The following AFF2 variants were observed in gnomAD, a reference collection of about 807,000 sequenced individuals.
AFF2 encodes the protein AF4/FMR2 family member 2.
AFF2 carries 14 observed loss-of-function variants against 76.9 expected under a neutral mutation model. That is an observed-to-expected ratio of 0.18 (90% CI 0.12 to 0.28). The LOEUF (loss-of-function observed/expected upper bound fraction) is 0.28. Among genes scored for constraint, AFF2 ranks in the 10% least tolerant of loss-of-function variants. The pLI, the probability that AFF2 is intolerant of heterozygous loss-of-function variation, is 1.00. For missense variants in AFF2, 868 were observed against 1,001.1 expected (o/e 0.87, Z 1.79); for synonymous variants, 398 against 366.7 (o/e 1.09, Z -0.98).
At chrX:148,510,548 C>T (rs782126818) in intron 1 of AFF2, among the ~76,000 whole-genome samples, 5 of 111,815 alleles carry the variant, frequency 4.5e-5, no homozygotes, top group African/African-American at 3.2e-5. Context: ...GACTTTACCA[C>T]TCATCCTTAG....
At chrX:148,616,118 C>T (rs2053797518) in intron 1 of AFF2, among the ~76,000 whole-genome samples, 1 of 111,406 alleles carries the variant, frequency 9.0e-6, no homozygotes, top group Admixed American at 9.5e-5. Context: ...TGTCTGCATC[C>T]CCTGCCCCTC....
chrX:148,620,856 C>T (rs2053860816), intron 1 of AFF2, among the ~76,000 whole-genome samples: 1 of 111,817 alleles, frequency 8.9e-6, no homozygotes, highest in African/African-American at 3.2e-5. Context: ...CAACTCATAC[C>T]ATAAAGGATG....
chrX:148,978,145 C>T lies in AFF2; in HGVS notation c.3476+141C>T, dbSNP rs1603352162. ...TTAAAGGATAACTAATGGATTTCTT[C>T]AGTCACTGACTAAACATTTACTCTC... On this transcript the variant is annotated intron_variant, in intron 17 of 20. Transcript: ENST00000370460. 9.8e-6 allele frequency: 5 copies of T among 509,629 alleles called. No homozygotes were observed. The East Asian group carries it at 1.7e-4, about 18-fold the overall frequency. 42.0% of individuals were successfully genotyped at this position (509,629 alleles called of 1,213,427 possible).
intron 8 of AFF2, among the ~76,000 whole-genome samples, chrX:148,901,095 G>A (rs1409964311): frequency 1.8e-5 from 2 of 111,888 alleles, no homozygotes; most frequent in Non-Finnish European, 3.8e-5. Flanking sequence ...CTGTAGAAAA[G>A]GCAGGAATTA....
intron 3 of AFF2, among the ~76,000 whole-genome samples, chrX:148,808,262 G>T (rs2070162390): frequency 9.0e-6 from 1 of 111,720 alleles, no homozygotes; most frequent in African/African-American, 3.3e-5. Flanking sequence ...TTCCTATTGA[G>T]CCTGTAAACT....
rs2052484640 is a variant in AFF2, at chrX:148,511,729, A to G, written c.47+10585A>G. Among the ~76,000 whole-genome samples the G allele has an allele frequency of 2.7e-5, 3 of 112,825 alleles. No individual in the cohort carries two copies. The Admixed American group carries it at 2.8e-4, about 11-fold the overall frequency. ...GAGGGGTACACCCCTAACTTTCTCA[A>G]AGTCACATGATTAGCCAACAGCAGA... On this transcript the variant is annotated intron_variant, in intron 1 of 20. Coordinates refer to ENST00000370460, the MANE Select transcript of AFF2 (RefSeq NM_002025.4).
chrX:148,765,503 G>A (rs1445948553), intron 3 of AFF2, among the ~76,000 whole-genome samples: 6 of 111,199 alleles, frequency 5.4e-5, no homozygotes, highest in African/African-American at 2.0e-4. Context: ...CTTAATTCTT[G>A]ATTTTGGATA....
intron 3 of AFF2, among the ~76,000 whole-genome samples, chrX:148,710,270 T>C (rs2054950451): frequency 8.9e-6 from 1 of 111,805 alleles, no homozygotes; most frequent in South Asian, 3.7e-4. Flanking sequence ...TTAAAATATA[T>C]GCAGTGATAA....
chrX:148,564,861 C>G (rs1557241392), intron 1 of AFF2, among the ~76,000 whole-genome samples: 1 of 111,995 alleles, frequency 8.9e-6, no homozygotes, highest in African/African-American at 3.2e-5. Context: ...GCACATTCCA[C>G]ACAGTAATAC....
At chrX:148,596,057 C>T (rs1557247278) in intron 1 of AFF2, among the ~76,000 whole-genome samples, 2 of 111,665 alleles carry the variant, frequency 1.8e-5, no homozygotes. Context: ...CATATGTATA[C>T]ATCAATTTGA....
intron 3 of AFF2, among the ~76,000 whole-genome samples, chrX:148,784,450 G>A (rs1463560893): frequency 1.8e-5 from 2 of 111,809 alleles, no homozygotes; most frequent in Non-Finnish European, 3.8e-5. Context: ...ATACTCTGGA[G>A]TCGGAAAGGC....
intron 3 of AFF2, among the ~76,000 whole-genome samples, chrX:148,805,695 G>A (rs1421068475): frequency 8.9e-6 from 1 of 112,731 alleles, no homozygotes; most frequent in African/African-American, 3.2e-5. Context: ...CATAAGATAT[G>A]TATTTATCAC....
intron 9 of AFF2, among the ~76,000 whole-genome samples, chrX:148,940,208 ATTTG>A (rs782597788): frequency 1.8e-5 from 2 of 111,580 alleles, no homozygotes; most frequent in East Asian, 5.6e-4. Context: ...TATTTTGTTT[ATTTG>A]TTTGTTTTGG....
chrX:148,854,646 T>G (rs2070766854), intron 7 of AFF2, among the ~76,000 whole-genome samples: 1 of 111,418 alleles, frequency 9.0e-6, no homozygotes, highest in Admixed American at 9.5e-5. Context: ...GTCACTGATT[T>G]GCTTAGTGGC....
In AFF2 at chrX:148,635,622, T is replaced by C. The variant is rs782337060; in HGVS notation, c.48-16377T>C. On this transcript the variant is annotated intron_variant, in intron 1 of 20. Coordinates refer to ENST00000370460, the MANE Select transcript of AFF2 (RefSeq NM_002025.4). ...CCCCATCAGAGAGGAATAAGTGACG[T>C]TGAAGAGAAGCTGCACAGTGTTGGG... Among the ~76,000 whole-genome samples, 5 of 111,533 alleles carry C rather than the reference T, an allele frequency of 4.5e-5. No homozygotes were observed. The South Asian group carries it at 1.9e-3, about 42-fold the overall frequency.
At chrX:148,879,200 G>A (rs185099432) in intron 7 of AFF2, among the ~76,000 whole-genome samples, 1 of 111,884 alleles carries the variant, frequency 8.9e-6, no homozygotes, top group Admixed American at 9.5e-5. Flanking sequence ...CAGCACTGTA[G>A]GCTGTCAGGC....
chrX:148,671,981 A>G (rs782068421), intron 3 of AFF2, among the ~76,000 whole-genome samples: 1 of 111,789 alleles, frequency 8.9e-6, no homozygotes, highest in Admixed American at 9.5e-5. Flanking sequence ...GTGTGTTCCA[A>G]ATCATCTTGT....
At chrX:148,600,189 T>G (rs1603254698) in intron 1 of AFF2, among the ~76,000 whole-genome samples, 1 of 112,058 alleles carries the variant, frequency 8.9e-6, no homozygotes, top group South Asian at 3.7e-4. Context: ...CTAAGGAGAC[T>G]TGGTAGTCTT....
At chrX:148,757,434 C>CAT (rs1475439056) in intron 3 of AFF2, among the ~76,000 whole-genome samples, 1 of 110,780 alleles carries the variant, frequency 9.0e-6, no homozygotes, top group African/African-American at 3.3e-5. Flanking sequence ...TGTGTATACC[C>CAT]ATATATATAA....
Sources: gnomAD v4.1 joint callset for allele counts (sites outside exome capture counted in the v4.1 genomes callset) on GRCh38, gnomAD v4.1.1 for gene constraint, MANE v1.5 for transcripts, NCBI Gene and HGNC (gene_info 2026-07-23, HGNC 2026-07-21) for gene names.